TMIGD3: variants seen among roughly 807,000 people sequenced by gnomAD.
The protein encoded by TMIGD3 is AD026 protein (AD026).
TMIGD3 carries 21 observed loss-of-function variants against 28.1 expected under a neutral mutation model. The observed-to-expected ratio is 0.75, with a 90% CI of 0.53 to 1.08. The LOEUF is 1.08. TMIGD3 is among the 50% of genes least tolerant of loss of function. TMIGD3 has a pLI of 0.00. For synonymous variants in TMIGD3, 151 were observed against 162.1 expected (o/e 0.93, Z 0.52); for missense variants, 416 against 435.6 (o/e 0.96, Z 0.40).
intron 1 of TMIGD3, chr1:111,542,622 C>G (rs547887636): frequency 6.5e-6 from 1 of 153,930 alleles, no homozygotes; most frequent in African/African-American, 2.4e-5. Context: ...TATGTGCAAA[C>G]TAACCATAGT....
intron 1 of TMIGD3, among the ~76,000 whole-genome samples, chr1:111,533,184 T>A (rs1205977916): frequency 6.6e-6 from 1 of 152,190 alleles, no homozygotes. Flanking sequence ...TTTTTGTACG[T>A]GGAGGACACA....
At chr1:111,499,540 C>G (rs182504753) in intron 1 of TMIGD3, 1 of 1,006,878 alleles carries the variant, frequency 9.9e-7, no homozygotes, top group Non-Finnish European at 1.2e-6. Flanking sequence ...AGGCATCCTC[C>G]GAGAGCAGGT....
At chr1:111,490,598 A>C in intron 2 of TMIGD3, 58 bp downstream of exon 2, 1 of 1,362,106 alleles carries the variant, frequency 7.3e-7, no homozygotes, top group Non-Finnish European at 1.0e-6. Context: ...ACTTCAGTGC[A>C]AAGTCTCTGG....
Position 111,500,105 on chromosome 1 carries a change from T to C in TMIGD3, c.350+2900A>G, listed in dbSNP as rs755448584. ...ATGGAGTTGGCATGGGACAGCAGGA[T>C]GCCCATGTACAGCACAAGCTGTGGT... On this transcript the variant is annotated intron_variant, in intron 1 of 5. Coordinates refer to ENST00000369716, the MANE Select transcript of TMIGD3 (RefSeq NM_020683.7). 12 of 1,614,044 alleles carry C rather than the reference T, an allele frequency of 7.4e-6. No homozygotes were observed. The East Asian group carries it at 2.7e-4, about 36-fold the overall frequency.
chr1:111,555,947 C>T (rs1250640204), intron 1 of TMIGD3, among the ~76,000 whole-genome samples: 1 of 152,060 alleles, frequency 6.6e-6, no homozygotes, highest in Admixed American at 6.5e-5. Context: ...ATTTGTGCAT[C>T]AAAGGACACT....
In TMIGD3 at chr1:111,517,764, C is replaced by T. The variant is rs189530625; in HGVS notation, c.108-27002G>A. 1.1e-3 allele frequency among the ~76,000 whole-genome samples: 171 copies of T among 152,288 alleles called. 1 individual carries two copies. The Middle Eastern group carries it at 0.017, about 15-fold the overall frequency. ...CCTTGCCCAACAACAAAAAGTGGGT[C>T]CTCAGTGGGTTGATGCACTTTTCTA... On this transcript the variant is annotated intron_variant, in intron 1 of 5. Transcript: ENST00000369717.
intron 1 of TMIGD3, among the ~76,000 whole-genome samples, chr1:111,547,334 G>A (rs193262586): frequency 6.6e-6 from 1 of 151,728 alleles, no homozygotes; most frequent in East Asian, 1.9e-4. Flanking sequence ...TGCTTTTTCT[G>A]TATCTATTGA....
chr1:111,508,617 GTCC>G (rs780443511), upstream of TMIGD3, among the ~76,000 whole-genome samples: 87 of 152,226 alleles, frequency 5.7e-4, no homozygotes, highest in Non-Finnish European at 1.5e-4. Flanking sequence ...ACCAAATTCA[GTCC>G]TCCTGACTCC....
At chr1:111,528,906 G>T (rs1042568149) in intron 1 of TMIGD3, among the ~76,000 whole-genome samples, 3 of 151,842 alleles carry the variant, frequency 2.0e-5, no homozygotes, top group Non-Finnish European at 4.4e-5. Context: ...ATTCTAGGAG[G>T]TTTTTTCCTG....
At chr1:111,559,761 C>T (rs1040835307) in intron 1 of TMIGD3, among the ~76,000 whole-genome samples, 1 of 152,132 alleles carries the variant, frequency 6.6e-6, no homozygotes, top group Non-Finnish European at 1.5e-5. Flanking sequence ...ACTTTCCTTC[C>T]TTCAATTGGC....
chr1:111,554,774 G>A (rs757998504), intron 1 of TMIGD3, among the ~76,000 whole-genome samples: 13 of 152,276 alleles, frequency 8.5e-5, no homozygotes, highest in East Asian at 1.9e-4. Context: ...AAGTGATTCA[G>A]GTTGGTAGAC....
chr1:111,485,898 A>T, intron 4 of TMIGD3, 58 bp from the exon 5 acceptor site: 3 of 1,362,556 alleles, frequency 2.2e-6, no homozygotes, highest in Non-Finnish European at 3.1e-6. Context: ...ATTGATTCTC[A>T]GCTCTGGATC....
At chr1:111,515,191 G>C (rs1655817670) in intron 1 of TMIGD3, among the ~76,000 whole-genome samples, 1 of 152,208 alleles carries the variant, frequency 6.6e-6, no homozygotes, top group South Asian at 2.1e-4. Context: ...GGAATCTCTA[G>C]AGTGAGACCT....
At chr1:111,505,139 A>T (rs1655441468), upstream of TMIGD3, 1 of 610,926 alleles carries the variant, frequency 1.6e-6, no homozygotes, top group Non-Finnish European at 2.0e-6. Flanking sequence ...AAAAAAAAAA[A>T]AAAAAAAAAG....
rs183981334 is a variant in TMIGD3 at position 111,562,509 on chromosome 1, G to C, written c.107+1337C>G. 1.1e-4 allele frequency among the ~76,000 whole-genome samples: 17 copies of C among 152,316 alleles called. No homozygotes were observed. In the East Asian group the frequency reaches 3.3e-3, roughly 29 times the overall value. On this transcript the variant is annotated intron_variant, in intron 1 of 5. Transcript: ENST00000369717. Reference sequence around the variant, plus strand: ...ATTTCCTGAACAAAAATCAAAATGTGTGGTCTGAAAATGTGACAGATGATT... The same window carrying C: ...ATTTCCTGAACAAAAATCAAAATGTCTGGTCTGAAAATGTGACAGATGATT...
chr1:111,512,076 G>A lies in TMIGD3; in HGVS notation c.108-21314C>T, dbSNP rs571265715. ...CTGGCTCGTTTGTCACTCTGTCCCC[G>A]TTTTCTGAAACCTGGGCCAAAGAGC... On this transcript the variant is annotated intron_variant, in intron 1 of 5. Coordinates refer to the TMIGD3 transcript ENST00000369717. Among the ~76,000 whole-genome samples, 20 of 152,294 alleles carry A rather than the reference G, an allele frequency of 1.3e-4. No homozygotes were observed. In the East Asian group the frequency reaches 2.7e-3, roughly 21 times the overall value.
Position 111,539,063 on chromosome 1 carries a change from C to G in TMIGD3, c.107+24783G>C, listed in dbSNP as rs150868321. On this transcript the variant is annotated intron_variant, in intron 1 of 5. Transcript: ENST00000369717. Reference sequence around the variant, plus strand: ...GCAAGAGGTCCTTGCCTTGGAGACACCTAGGTTTATTTTTTTTAACTTCTT... The same window carrying G: ...GCAAGAGGTCCTTGCCTTGGAGACAGCTAGGTTTATTTTTTTTAACTTCTT... 8.5e-3 allele frequency among the ~76,000 whole-genome samples: 1,299 copies of G among 152,262 alleles called. 21 individuals carry two copies. Among genetic ancestry groups the G allele is most frequent in the African/African-American group, 0.029 (1,221 of 41,542 alleles).
chr1:111,562,093 G>T (rs960662253), intron 1 of TMIGD3, among the ~76,000 whole-genome samples: 1 of 152,072 alleles, frequency 6.6e-6, no homozygotes, highest in African/African-American at 2.4e-5. Flanking sequence ...CATCATATGT[G>T]TCTCCAGGTC....
Position 111,531,716 on chromosome 1 carries a change from A to ATTATTTAT in TMIGD3, c.107+32122_107+32129dup, listed in dbSNP as rs545121017. ...GTATCCCTGTAAATTTATTTTTAAA[A>ATTATTTAT]TTATTTATTTATTTATTTTTTAAGA... On this transcript the variant is annotated intron_variant, in intron 1 of 5. Coordinates refer to the TMIGD3 transcript ENST00000369717. 7.0e-4 allele frequency among the ~76,000 whole-genome samples: 107 copies of ATTATTTAT among 152,020 alleles called. 1 individual carries two copies. Among genetic ancestry groups the ATTATTTAT allele is most frequent in the African/African-American group, 2.5e-3 (103 of 41,518 alleles).
Sources: gnomAD v4.1 joint callset for allele counts (sites outside exome capture counted in the v4.1 genomes callset) on GRCh38, gnomAD v4.1.1 for gene constraint, MANE v1.5 for transcripts, NCBI Gene and HGNC (gene_info 2026-07-23, HGNC 2026-07-21) for gene names.